The following ZFHX4 variants were observed in gnomAD, a reference collection of about 807,000 sequenced individuals.
ZFHX4 encodes the protein zinc finger homeobox 4.
In ZFHX4, 56 loss-of-function variants were observed where a neutral mutation model predicts 267.6. That is an observed-to-expected ratio of 0.21 (90% CI 0.17 to 0.26). The LOEUF (loss-of-function observed/expected upper bound fraction) is 0.26. Ranked by LOEUF, ZFHX4 falls within the 10% of genes least tolerant of loss-of-function variation. The pLI, the probability that ZFHX4 is intolerant of heterozygous loss-of-function variation, is 1.00. For synonymous variants in ZFHX4, 1,778 were observed against 1,665.6 expected (o/e 1.07, Z -1.64); for missense variants, 4,332 against 4,420.0 (o/e 0.98, Z 0.56).
intron 4 of ZFHX4, among the ~76,000 whole-genome samples, chr8:76,797,944 G>T (rs563334098): frequency 4.2e-4 from 64 of 151,540 alleles, no homozygotes; most frequent in African/African-American, 1.5e-3. Context: ...GTATGTGTGT[G>T]TATTTAGCAG....
chr8:76,851,643 G>A lies in ZFHX4; in HGVS notation c.4722G>A (p.Gln1574=), dbSNP rs549857894. 1.1e-5 allele frequency: 17 copies of A among 1,613,756 alleles called. No homozygotes were observed. The Admixed American group carries it at 2.5e-4, about 24-fold the overall frequency. ...TGCATAAGCTGAAAAAAGTTTTGCA[G>A]GAAGCCTCCAGTCCTGTCCCACAAG... ...SHLHKLKKVL[Q]EASSPVPQET... Residue 1574 remains glutamine, a synonymous_variant, in exon 10 of 11, where the codon CAG becomes CAA. Transcript: ENST00000651372.
Position 76,864,705 on chromosome 8 carries a change from A to C in ZFHX4, c.*140A>C. 1.7e-6 allele frequency: 1 copy of C among 604,850 alleles called. No individual in the cohort carries two copies. The highest frequency in any genetic ancestry group is 2.8e-6 in the Non-Finnish European group (1 of 361,866). The allele number at this position is 604,850 out of a possible 1,614,324, so 37.5% of individuals were successfully genotyped here. A position where few individuals can be genotyped will look rare whatever the true frequency, so the allele number is the denominator to read the frequency against. On this transcript the variant is annotated 3_prime_UTR_variant, in exon 11 of 11. Transcript: ENST00000651372. ...ATTGACTCAGGATTGTTTTTCCCATATTGATATGCTGGCAATATAGGATGG... is the reference window on the plus strand; with the variant it reads ...ATTGACTCAGGATTGTTTTTCCCATCTTGATATGCTGGCAATATAGGATGG...
chr8:76,746,271 G>A (rs947215171), intron 3 of ZFHX4, among the ~76,000 whole-genome samples: 3 of 152,136 alleles, frequency 2.0e-5, no homozygotes, highest in African/African-American at 7.2e-5. Flanking sequence ...GCTGGGTATG[G>A]TTGTGCACGC....
Position 76,853,711 on chromosome 8 carries a change from A to T in ZFHX4, c.6790A>T (p.Asn2264Tyr). Residue 2264 changes from asparagine to tyrosine, a missense_variant, in exon 10 of 11, where the codon AAT (asparagine) becomes TAT (tyrosine). By Grantham distance (143) the Asn-to-Tyr change is moderately radical (BLOSUM62 -2). Around this residue, in one of 7 missense-constraint regions of ZFHX4, gnomAD observed 62 missense variants for 69.8 expected, o/e 0.89. Coordinates refer to ENST00000651372, the MANE Select transcript of ZFHX4 (RefSeq NM_024721.5). ...AATAGAACAACTCTCCACTGTTCTC[A>T]ATCTGCCTACCCGGGTTATTGTTGT... The part of the protein sequence containing the change: ...DEIEQLSTVL[N>Y]LPTRVIVVWF... 1 of 1,613,798 alleles carries T rather than the reference A, an allele frequency of 6.2e-7. No individual in the cohort carries two copies. The highest frequency in any genetic ancestry group is 8.5e-7 in the Non-Finnish European group (1 of 1,179,842).
intron 4 of ZFHX4, among the ~76,000 whole-genome samples, chr8:76,825,771 A>T (rs1206921938): frequency 6.2e-4 from 95 of 152,240 alleles, no homozygotes; most frequent in Non-Finnish European, 5.9e-5. Flanking sequence ...GAGTCAAGAA[A>T]GCATTTTTAA....
intron 3 of ZFHX4, among the ~76,000 whole-genome samples, chr8:76,757,259 A>C (rs1160935939): frequency 6.6e-6 from 1 of 152,214 alleles, no homozygotes; most frequent in African/African-American, 2.4e-5. Context: ...GAGCTATGAT[A>C]GAGGTATACA....
rs748728059 is a variant in ZFHX4, at chr8:76,705,962, C to T, written c.1874C>T (p.Ser625Leu). 11 of 1,613,088 alleles carry T rather than the reference C, an allele frequency of 6.8e-6. No individual in the cohort carries two copies. The highest frequency in any genetic ancestry group is 1.1e-5 in the South Asian group (1 of 91,022). ...CPKCDTVLGS[S>L]RSLGGHMTMM... ...AAGTGCGACACTGTGTTGGGGTCTT[C>T]GAGGTCTCTTGGTGGTCATATGACT... The change falls in exon 2 of 11, where the codon TCG becomes TTG. Residue 625 changes from serine (S) to leucine (L), a missense_variant. Around this residue, in one of 7 missense-constraint regions of ZFHX4, gnomAD observed 1,195 missense variants for 1,173.6 expected, o/e 1.02. Transcript: ENST00000651372.
At chr8:76,738,316 A>T (rs73690871) in intron 3 of ZFHX4, among the ~76,000 whole-genome samples, 2,100 of 152,238 alleles carry the variant, frequency 0.014, 46 homozygotes, top group African/African-American at 0.048. Flanking sequence ...CGGTTAAGGG[A>T]TAAGTACTCA....
rs183751392 is a variant in ZFHX4, at chr8:76,814,614, C to T, written c.3326-18724C>T. Among the ~76,000 whole-genome samples, 607 of 152,184 alleles carry T rather than the reference C, an allele frequency of 4.0e-3. 4 individuals carry two copies. The highest frequency in any genetic ancestry group is 0.014 in the African/African-American group (571 of 41,514). On this transcript the variant is annotated intron_variant, in intron 4 of 10. Coordinates refer to ENST00000651372, the MANE Select transcript of ZFHX4 (RefSeq NM_024721.5). The stretch of plus-strand genomic sequence containing the variant: ...TTAGAAAAATATAGTTTGATATATA[C>T]CTAAACTACATTTTGAAAGATGGAG...
Position 76,704,106 on chromosome 8 carries a change from C to A in ZFHX4, c.18C>A (p.Ser6=). 6.2e-7 allele frequency: 1 copy of A among 1,609,844 alleles called. No individual in the cohort carries two copies. Among genetic ancestry groups the A allele is most frequent in the Middle Eastern group, 1.7e-4 (1 of 6,028 alleles). Residue 6 remains serine (S), a synonymous_variant, in exon 2 of 11, where the codon TCC becomes TCA. Transcript: ENST00000651372. The part of the protein sequence containing the change: METCD[S]PPISRQENGQ... Reference sequence around the variant, plus strand: ...CAATTGCCATGGAAACCTGTGACTCCCCTCCTATCTCAAGGCAGGAAAATG... The same window carrying A: ...CAATTGCCATGGAAACCTGTGACTCACCTCCTATCTCAAGGCAGGAAAATG...
chr8:76,823,234 C>T (rs1029566477), intron 4 of ZFHX4, among the ~76,000 whole-genome samples: 2 of 151,858 alleles, frequency 1.3e-5, no homozygotes, highest in African/African-American at 4.8e-5. Context: ...GCTTAAAACC[C>T]CCCATGCTGC....
intron 4 of ZFHX4, among the ~76,000 whole-genome samples, chr8:76,783,207 T>C (rs1185465927): frequency 6.6e-6 from 1 of 152,060 alleles, no homozygotes; most frequent in African/African-American, 2.4e-5. Context: ...CTGGATCATC[T>C]TCCACAGAGT....
Position 76,853,460 on chromosome 8 carries a change from C to A in ZFHX4, c.6539C>A (p.Thr2180Lys), listed in dbSNP as rs749590793. The A allele has an allele frequency of 6.2e-7, 1 of 1,613,636 alleles. No individual in the cohort carries two copies. Among genetic ancestry groups the A allele is most frequent in the African/African-American group, 1.3e-5 (1 of 74,874 alleles). ...GTTATCAAACACTGGTTTAGAAATACGCTTTTTAAGGAACGACAGAGAAAT... is the reference window on the plus strand; with the variant it reads ...GTTATCAAACACTGGTTTAGAAATAAGCTTTTTAAGGAACGACAGAGAAAT... Reference protein sequence around the residue: ...QKVIKHWFRNTLFKERQRNKD... With the variant: ...QKVIKHWFRNKLFKERQRNKD... Residue 2180 changes from threonine to lysine, a missense_variant, in exon 10 of 11, where the codon ACG becomes AAG. Coordinates refer to ENST00000651372, the MANE Select transcript of ZFHX4 (RefSeq NM_024721.5).
At position 76,789,158 on chromosome 8, in the gene ZFHX4, G is replaced by A. The variant is rs192437806; in HGVS notation, c.3325+10719G>A. Among the ~76,000 whole-genome samples, 342 of 152,254 alleles carry A rather than the reference G, an allele frequency of 2.2e-3. 5 individuals are homozygous for A. Among genetic ancestry groups the A allele is most frequent in the African/African-American group, 7.7e-3 (320 of 41,566 alleles). ...AAAGTCCTCAAAAGAGCAATTAAGC[G>A]TTTTGGCCAAAATCCACTCCTGGAT... On this transcript the variant is annotated intron_variant, in intron 4 of 10. Transcript: ENST00000651372.
rs1242895199 is a variant in ZFHX4 at position 76,842,742 on chromosome 8, G to A, written c.3482G>A (p.Ser1161Asn). 1 of 1,553,126 alleles carries A rather than the reference G, an allele frequency of 6.4e-7. No individual in the cohort carries two copies. The highest frequency in any genetic ancestry group is 1.4e-5 in the African/African-American group (1 of 73,168). ...DEKDTSERDN[S>N]EGKNSNKDSG... ...AAAGACACAAGTGAGAGAGACAATA[G>A]TGAAGGCAAAAACTCTAATAAAGAC... Residue 1161 changes from serine to asparagine, a missense_variant, in exon 6 of 11, where the codon AGT (serine) becomes AAT (asparagine). Ser to Asn is a conservative substitution (Grantham distance 46). This residue lies in a region of ZFHX4 where 1,371 missense variants were observed against 1,423.1 expected (regional missense o/e 0.96). Coordinates refer to ENST00000651372, the MANE Select transcript of ZFHX4 (RefSeq NM_024721.5).
At chr8:76,787,941 C>T (rs541566788) in intron 4 of ZFHX4, among the ~76,000 whole-genome samples, 18 of 152,158 alleles carry the variant, frequency 1.2e-4, no homozygotes, top group Non-Finnish European at 2.6e-4. Flanking sequence ...TCTGTATGCC[C>T]ACTACTATTT....
chr8:76,853,134 T>G lies in ZFHX4; in HGVS notation c.6213T>G (p.Val2071=). 1 of 1,435,412 alleles carries G rather than the reference T, an allele frequency of 7.0e-7. No homozygotes were observed. 88.9% of individuals were successfully genotyped at this position (1,435,412 alleles called of 1,614,324 possible). A position where few individuals can be genotyped will look rare whatever the true frequency, so the allele number is the denominator to read the frequency against. The change falls in exon 10 of 11, where the codon GTT becomes GTG. Residue 2071 remains valine (V), a synonymous_variant. Coordinates refer to ENST00000651372, the MANE Select transcript of ZFHX4 (RefSeq NM_024721.5). ...CTCCTCCACAGGTCCAACTGCCGGT[T>G]TCTCTGGACCTGCCGCTCTTTCCTT... The part of the protein sequence containing the change: ...PSAPPQVQLP[V]SLDLPLFPSI...
At position 76,838,783 on chromosome 8, in the gene ZFHX4, C is replaced by T. The variant is rs994341737; in HGVS notation, c.3395-3872C>T. Among the ~76,000 whole-genome samples the T allele has an allele frequency of 3.9e-5, 6 of 151,956 alleles. No individual in the cohort carries two copies. The South Asian group carries it at 8.3e-4, about 21-fold the overall frequency. Reference sequence around the variant, plus strand: ...GACAATGGGAAATAAGGGCCAGGCACGGTGGCTCATGCCTATAATCCCAGC... The same window carrying T: ...GACAATGGGAAATAAGGGCCAGGCATGGTGGCTCATGCCTATAATCCCAGC... On this transcript the variant is annotated intron_variant, in intron 5 of 10. Transcript: ENST00000651372.
At chr8:76,754,607 C>T (rs933534236) in intron 3 of ZFHX4, among the ~76,000 whole-genome samples, 1 of 151,998 alleles carries the variant, frequency 6.6e-6, no homozygotes, top group Non-Finnish European at 1.5e-5. Flanking sequence ...GGATATAGAG[C>T]AATATTTTGA....
Sources: gnomAD v4.1 joint callset for allele counts (sites outside exome capture counted in the v4.1 genomes callset) on GRCh38, gnomAD v4.1.1 for gene constraint, gnomAD v4.1.1 regional missense constraint, MANE v1.5 for transcripts, NCBI Gene and HGNC (gene_info 2026-07-23, HGNC 2026-07-21) for gene names.